PARD3B: variants seen among roughly 807,000 people sequenced by gnomAD.
PARD3B encodes the protein partitioning defective 3 homolog B.
PARD3B carries 103 observed loss-of-function variants against 130.2 expected under a neutral mutation model. The ratio of observed to expected loss-of-function variants is 0.79; its 90% CI spans 0.67 to 0.93. The LOEUF (loss-of-function observed/expected upper bound fraction) is 0.93. Ranked by LOEUF, PARD3B falls within the 40% of genes least tolerant of loss-of-function variation. The pLI, the probability that PARD3B is intolerant of heterozygous loss-of-function variation, is 0.00. For synonymous variants in PARD3B, 583 were observed against 553.2 expected (o/e 1.05, Z -0.76); for missense variants, 1,609 against 1,499.2 (o/e 1.07, Z -1.21).
intron 21 of PARD3B, among the ~76,000 whole-genome samples, chr2:205,543,091 T>G (rs2052231441): frequency 6.6e-6 from 1 of 152,176 alleles, no homozygotes; most frequent in Non-Finnish European, 1.5e-5. Context: ...GCTCAGTAAA[T>G]ATTAATGAAC....
chr2:204,866,481 G>A (rs1381977048), intron 2 of PARD3B, among the ~76,000 whole-genome samples: 1 of 151,898 alleles, frequency 6.6e-6, no homozygotes, highest in Non-Finnish European at 1.5e-5. Context: ...ATACATATCT[G>A]GGTAATCATT....
chr2:205,173,652 G>A (rs960097356), intron 12 of PARD3B, among the ~76,000 whole-genome samples: 8 of 152,200 alleles, frequency 5.3e-5, no homozygotes, highest in Non-Finnish European at 7.4e-5. Context: ...ATATAAGCTC[G>A]CAGATGTTAA....
chr2:204,584,002 G>A (rs1024757140), intron 1 of PARD3B, among the ~76,000 whole-genome samples: 2 of 152,216 alleles, frequency 1.3e-5, no homozygotes, highest in African/African-American at 4.8e-5. Context: ...GGTTGGTGAC[G>A]TTGCCAGGGA....
chr2:204,898,709 A>C (rs2046736627), intron 2 of PARD3B, among the ~76,000 whole-genome samples: 1 of 152,166 alleles, frequency 6.6e-6, no homozygotes. Flanking sequence ...TCTCAAGCTG[A>C]AAGTGGGGTT....
chr2:204,723,391 TTC>T (rs1313070296), intron 2 of PARD3B, among the ~76,000 whole-genome samples: 5 of 152,162 alleles, frequency 3.3e-5, no homozygotes, highest in African/African-American at 4.8e-5. Flanking sequence ...TTAATTATGT[TTC>T]TGAGTAAGCT....
intron 18 of PARD3B, among the ~76,000 whole-genome samples, chr2:205,331,358 G>C (rs1245386456): frequency 6.6e-6 from 1 of 151,848 alleles, no homozygotes; most frequent in African/African-American, 2.4e-5. Flanking sequence ...TTAAACCCCT[G>C]AGCAGGCAGT....
chr2:204,889,246 C>T (rs1025497954), intron 2 of PARD3B, among the ~76,000 whole-genome samples: 4 of 152,218 alleles, frequency 2.6e-5, no homozygotes, highest in African/African-American at 9.6e-5. Flanking sequence ...AAGCTTGACT[C>T]CTTCTAAAGG....
intron 18 of PARD3B, among the ~76,000 whole-genome samples, chr2:205,380,483 TAA>T (rs370001938): frequency 1.8e-4 from 8 of 44,336 alleles, no homozygotes; most frequent in South Asian, 8.6e-4. Context: ...ATATTATATA[TAA>T]TATATAAAGA....
At chr2:204,824,331 G>A (rs545325484) in intron 2 of PARD3B, among the ~76,000 whole-genome samples, 2 of 152,226 alleles carry the variant, frequency 1.3e-5, no homozygotes, top group African/African-American at 4.8e-5. Flanking sequence ...AAATAGGCTG[G>A]CTGTATCCTT....
At chr2:205,150,211 CTGTGTGTGTGTGTGTG>C (rs71409001) in intron 10 of PARD3B, among the ~76,000 whole-genome samples, 2 of 134,182 alleles carry the variant, frequency 1.5e-5, no homozygotes, top group East Asian at 4.5e-4. Flanking sequence ...CAGCCAGGCT[CTGTGTGTGTGTGTGTG>C]TGTGTGTGTG....
At chr2:205,503,702 T>A (rs1397216913) in intron 21 of PARD3B, among the ~76,000 whole-genome samples, 1 of 152,220 alleles carries the variant, frequency 6.6e-6, no homozygotes, top group Non-Finnish European at 1.5e-5. Flanking sequence ...TTTTTCCAAT[T>A]CTGTGAAGAA....
intron 2 of PARD3B, among the ~76,000 whole-genome samples, chr2:204,787,724 T>A (rs1025983891): frequency 1.3e-5 from 2 of 152,186 alleles, no homozygotes; most frequent in African/African-American, 4.8e-5. Context: ...AAGGATAAAA[T>A]ATACTGTAAA....
At chr2:204,709,045 T>A (rs2038314049) in intron 2 of PARD3B, among the ~76,000 whole-genome samples, 1 of 152,174 alleles carries the variant, frequency 6.6e-6, no homozygotes, top group Non-Finnish European at 1.5e-5. Context: ...TCAGTTGAAA[T>A]ATAAATGATG....
rs1375995075 is a variant in PARD3B at position 205,253,730 on chromosome 2, T to TG, written c.2185+7909dup. On this transcript the variant is annotated intron_variant, in intron 16 of 22. Transcript: ENST00000406610. The surrounding 1 kb of genome is among the most constrained non-coding windows in gnomAD (Gnocchi z 4.4). Reference sequence around the variant, plus strand: ...AAGAGTGACAGGCTAGCATGAGCTGTGCAGCAGCAAGATTCCATATGAGCA... The same window carrying TG: ...AAGAGTGACAGGCTAGCATGAGCTGTGGCAGCAGCAAGATTCCATATGAGCA... 6.6e-6 allele frequency among the ~76,000 whole-genome samples: 1 copy of TG among 152,072 alleles called. No individual in the cohort carries two copies. The highest frequency in any genetic ancestry group is 1.9e-4 in the East Asian group (1 of 5,184).
intron 2 of PARD3B, among the ~76,000 whole-genome samples, chr2:204,809,416 T>G (rs1198744940): frequency 6.6e-6 from 1 of 152,146 alleles, no homozygotes; most frequent in Non-Finnish European, 1.5e-5. Flanking sequence ...TTGGTTTTAC[T>G]TTTAAGTCTT....
rs1308949359 is a variant in PARD3B, at chr2:205,128,326, A to G, written c.1434+2589A>G. Among the ~76,000 whole-genome samples the G allele has an allele frequency of 6.6e-6, 1 of 152,186 alleles. No homozygotes were observed. The highest frequency in any genetic ancestry group is 1.9e-4 in the East Asian group (1 of 5,206). ...TCCCATATGTCCTCTGGAATTTTTA[A>G]CCCCACAGTTAATACCTTCTTCCTA... On this transcript the variant is annotated intron_variant, in intron 10 of 22. Coordinates refer to ENST00000406610, the MANE Select transcript of PARD3B (RefSeq NM_001302769.2). This position sits in a 1 kb window ranked among gnomAD's most constrained non-coding sequence, Gnocchi z 4.5.
chr2:205,443,100 A>G (rs2047781270), intron 20 of PARD3B, among the ~76,000 whole-genome samples: 1 of 152,218 alleles, frequency 6.6e-6, no homozygotes, highest in South Asian at 2.1e-4. Flanking sequence ...GTCCTGGCAC[A>G]TAGTAAGCAT....
At chr2:204,949,491 T>C (rs1689592921) in intron 2 of PARD3B, among the ~76,000 whole-genome samples, 1 of 151,952 alleles carries the variant, frequency 6.6e-6, no homozygotes, top group South Asian at 2.1e-4. Context: ...CTAATTTTTT[T>C]TTAAATTTCC....
intron 2 of PARD3B, among the ~76,000 whole-genome samples, chr2:204,884,913 A>G (rs975318832): frequency 1.3e-5 from 2 of 152,202 alleles, no homozygotes; most frequent in South Asian, 4.2e-4. Context: ...TGTCTTTGCT[A>G]TTTTGAATGG....
Sources: gnomAD v4.1 joint callset for allele counts (sites outside exome capture counted in the v4.1 genomes callset) on GRCh38, gnomAD v4.1.1 for gene constraint, Gnocchi (gnomAD v3.1) non-coding constraint, MANE v1.5 for transcripts, NCBI Gene and HGNC (gene_info 2026-07-23, HGNC 2026-07-21) for gene names.